Variants in MTHFS observed in about 807,000 individuals in gnomAD.
The protein encoded by MTHFS is methenyltetrahydrofolate synthetase, also known as 5-formyltetrahydrofolate cyclo-ligase.
A neutral mutation model predicts 12.7 loss-of-function variants in MTHFS; 7 were observed. That is an observed-to-expected ratio of 0.55 (90% confidence interval 0.31 to 1.03). MTHFS has a LOEUF of 1.03. Ranked by LOEUF, MTHFS falls within the 50% of genes least tolerant of loss-of-function variation. The probability of loss-of-function intolerance (pLI) is 0.05; values close to 1 mark genes in which losing one functional copy is unlikely to be tolerated. For missense variants in MTHFS, 252 were observed against 258.1 expected, an observed-to-expected ratio of 0.98 and a Z score of 0.16; for synonymous variants, 100 against 97.1, an observed-to-expected ratio of 1.03 and a Z score of -0.18.
In MTHFS at chr15:79,872,796, T is replaced by C. The variant is rs117232613; in HGVS notation, c.379+16297A>G. Among the ~76,000 whole-genome samples, 169 of 152,310 alleles carry C rather than the reference T, an allele frequency of 1.1e-3. 4 individuals carry two copies. The East Asian group carries it at 0.028, about 26-fold the overall frequency. On this transcript the variant is annotated intron_variant, in intron 2 of 2. Coordinates refer to ENST00000258874, the MANE Select transcript of MTHFS (RefSeq NM_006441.4). Reference sequence around the variant, plus strand: ...CAATGACAGCAGCCAGGGATCACTTTTGTCATCGTCTGCTGGTTTCTGCCG... The same window carrying C: ...CAATGACAGCAGCCAGGGATCACTTCTGTCATCGTCTGCTGGTTTCTGCCG...
At chr15:79,859,834 A>G (rs970697030) in intron 2 of MTHFS, among the ~76,000 whole-genome samples, 1 of 151,794 alleles carries the variant, frequency 6.6e-6, no homozygotes, top group African/African-American at 2.4e-5. Context: ...AAAAAAAAAA[A>G]AAAACCCTTA....
At chr15:79,890,042 A>G (rs2034447536) in intron 1 of MTHFS, among the ~76,000 whole-genome samples, 1 of 152,046 alleles carries the variant, frequency 6.6e-6, no homozygotes. Context: ...GAATATTAAA[A>G]TATTCACAAT....
intron 2 of MTHFS, among the ~76,000 whole-genome samples, chr15:79,858,067 T>A (rs930732573): frequency 7.5e-5 from 11 of 147,624 alleles, no homozygotes; most frequent in African/African-American, 2.8e-4. Flanking sequence ...CTAAAACAGC[T>A]TTACAGGAAA....
intron 2 of MTHFS, among the ~76,000 whole-genome samples, chr15:79,882,797 A>G (rs971022005): frequency 1.3e-5 from 2 of 152,250 alleles, no homozygotes; most frequent in African/African-American, 4.8e-5. Flanking sequence ...ATCCCACATT[A>G]TCACAACTCT....
At chr15:79,864,547 C>CAAAAAAAAAAAAAAAAAAAAAAAAAAA (rs58698908) in intron 2 of MTHFS, among the ~76,000 whole-genome samples, 2 of 64,512 alleles carry the variant, frequency 3.1e-5, no homozygotes, top group African/African-American at 1.5e-4. Flanking sequence ...TCCATCTCAA[C>CAAAAAAAAAAAAAAAAAAAAAAAAAAA]AAAAAAAAAA....
chr15:79,874,465 T>C (rs2034155637), intron 2 of MTHFS, among the ~76,000 whole-genome samples: 1 of 152,256 alleles, frequency 6.6e-6, no homozygotes, highest in Non-Finnish European at 1.5e-5. Flanking sequence ...CAGAAAACTG[T>C]CACTAATTAA....
At chr15:79,880,130 CATG>C (rs1334919929) in intron 2 of MTHFS, among the ~76,000 whole-genome samples, 1 of 151,554 alleles carries the variant, frequency 6.6e-6, no homozygotes, top group African/African-American at 2.4e-5. Flanking sequence ...AGTGCAGTGG[CATG>C]ATCTCAGCTC....
intron 2 of MTHFS, among the ~76,000 whole-genome samples, chr15:79,883,935 C>T (rs1350695296): frequency 1.3e-5 from 2 of 152,168 alleles, no homozygotes; most frequent in African/African-American, 4.8e-5. Flanking sequence ...TAAACAAAAT[C>T]ACTTTCACAG....
intron 2 of MTHFS, among the ~76,000 whole-genome samples, 155 bp downstream of exon 2, chr15:79,888,938 C>T (rs1287433011): frequency 6.6e-6 from 1 of 152,182 alleles, no homozygotes; most frequent in Non-Finnish European, 1.5e-5. Flanking sequence ...GGCATCACAT[C>T]CTAAACCAGG....
At chr15:79,889,852 C>A (rs527582290) in intron 1 of MTHFS, among the ~76,000 whole-genome samples, 2 of 152,260 alleles carry the variant, frequency 1.3e-5, no homozygotes, top group African/African-American at 4.8e-5. Context: ...TCTGCCGAAC[C>A]CTTACTACAT....
chr15:79,878,612 A>C (rs987798623), intron 2 of MTHFS, among the ~76,000 whole-genome samples: 12 of 150,520 alleles, frequency 8.0e-5, no homozygotes, highest in African/African-American at 2.9e-4. Context: ...CCATCACTCC[A>C]CTGCTTAGAT....
chr15:79,897,174 C>T (rs1431311512), upstream of MTHFS: 21 of 525,680 alleles, frequency 4.0e-5, no homozygotes, highest in Non-Finnish European at 6.6e-5. Flanking sequence ...GCCTCTGGCC[C>T]TTGGGACCCA....
chr15:79,861,417 G>A (rs1295250344), intron 2 of MTHFS, among the ~76,000 whole-genome samples: 1 of 152,078 alleles, frequency 6.6e-6, no homozygotes, highest in African/African-American at 2.4e-5. Flanking sequence ...CCACACAACT[G>A]GTAGTCATTA....
intron 2 of MTHFS, among the ~76,000 whole-genome samples, chr15:79,860,589 C>T (rs2033895098): frequency 6.6e-6 from 1 of 152,030 alleles, no homozygotes; most frequent in African/African-American, 2.4e-5. Flanking sequence ...TTTTAGAAAG[C>T]TTAGTATATA....
chr15:79,849,052 C>T (rs879510794), intron 2 of MTHFS, among the ~76,000 whole-genome samples: 1 of 152,118 alleles, frequency 6.6e-6, no homozygotes, highest in African/African-American at 2.4e-5. Context: ...ATGAGTTTTA[C>T]ACTTGAGAAG....
intron 2 of MTHFS, among the ~76,000 whole-genome samples, chr15:79,865,604 C>T (rs1185555375): frequency 1.3e-5 from 2 of 152,162 alleles, no homozygotes; most frequent in Non-Finnish European, 2.9e-5. Context: ...GCCTCAGACA[C>T]CTAGTGCAAA....
At chr15:79,879,460 T>C (rs1444948321) in intron 2 of MTHFS, among the ~76,000 whole-genome samples, 3 of 151,558 alleles carry the variant, frequency 2.0e-5, no homozygotes, top group East Asian at 3.9e-4. Flanking sequence ...CCTGAGTAGC[T>C]GGGATTACAG....
At chr15:79,887,883 A>T (rs1287607386) in intron 2 of MTHFS, among the ~76,000 whole-genome samples, 1 of 152,158 alleles carries the variant, frequency 6.6e-6, no homozygotes, top group Non-Finnish European at 1.5e-5. Flanking sequence ...CAATACAGGG[A>T]AAGTTAAACT....
rs550206586 is a variant in MTHFS at position 79,861,855 on chromosome 15, T to A, written c.380-16413A>T. Among the ~76,000 whole-genome samples the A allele has an allele frequency of 3.3e-5, 5 of 152,318 alleles. No homozygotes were observed. The South Asian group carries it at 8.3e-4, about 25-fold the overall frequency. The stretch of plus-strand genomic sequence containing the variant: ...AAACAAAATGTGAACTCCGATCCTA[T>A]CTGTATAAATTTTTTAAAAGGATAC... On this transcript the variant is annotated intron_variant, in intron 2 of 2. Transcript: ENST00000258874.
Sources: gnomAD v4.1 joint callset for allele counts (sites outside exome capture counted in the v4.1 genomes callset) on GRCh38, gnomAD v4.1.1 for gene constraint, MANE v1.5 for transcripts, NCBI Gene and HGNC (gene_info 2026-07-23, HGNC 2026-07-21) for gene names.